The following LMX1A variants were observed in gnomAD, a reference collection of about 807,000 sequenced individuals.
LMX1A encodes LIM homeobox transcription factor 1-alpha.
In LMX1A, 15 loss-of-function variants were observed where a neutral mutation model predicts 49.1. That is an observed-to-expected ratio of 0.31 (90% CI 0.20 to 0.47). LMX1A has a LOEUF of 0.47. Ranked by LOEUF, LMX1A falls within the 20% of genes least tolerant of loss-of-function variation. LMX1A has a pLI of 1.00. For synonymous variants in LMX1A, 167 were observed against 185.7 expected (o/e 0.90, Z 0.82); for missense variants, 372 against 475.8 (o/e 0.78, Z 2.03).
chr1:165,208,051 G>A lies in LMX1A; in HGVS notation c.817+12C>T. 1 of 1,612,564 alleles carries A rather than the reference G, an allele frequency of 6.2e-7. No individual in the cohort carries two copies. The highest frequency in any genetic ancestry group is 8.5e-7 in the Non-Finnish European group (1 of 1,179,222). On this transcript the variant is annotated intron_variant, in intron 7 of 8. Transcript: ENST00000342310. Reference sequence around the variant, plus strand: ...TCCAGCCAGAACTGCCTGGGAGGAGGCACCAGCTTACCAGAGCTCAGCCTC... The same window carrying A: ...TCCAGCCAGAACTGCCTGGGAGGAGACACCAGCTTACCAGAGCTCAGCCTC...
At chr1:165,350,642 C>A (rs1467439322) in intron 3 of LMX1A, among the ~76,000 whole-genome samples, 2 of 151,882 alleles carry the variant, frequency 1.3e-5, no homozygotes, top group East Asian at 1.9e-4. Flanking sequence ...ATATTAAAAC[C>A]CTATTTTATT....
chr1:165,284,654 T>C (rs940961395), intron 3 of LMX1A, among the ~76,000 whole-genome samples: 4 of 152,228 alleles, frequency 2.6e-5, no homozygotes, highest in Admixed American at 1.3e-4. Flanking sequence ...CCTTTTAAAC[T>C]TTCCTCCTCT....
chr1:165,323,371 G>T (rs77106086), intron 3 of LMX1A, among the ~76,000 whole-genome samples: 2,950 of 152,260 alleles, frequency 0.019, 54 homozygotes, highest in Admixed American at 0.034. Flanking sequence ...TATCACAAAA[G>T]TGGTGTATGC....
intron 4 of LMX1A, among the ~76,000 whole-genome samples, chr1:165,222,810 G>T (rs911925164): frequency 1.3e-5 from 2 of 152,304 alleles, no homozygotes; most frequent in Admixed American, 1.3e-4. Context: ...ACCCAGCCGG[G>T]TCTATGCCTT....
chr1:165,339,815 T>C (rs1656015275), intron 3 of LMX1A, among the ~76,000 whole-genome samples: 1 of 151,668 alleles, frequency 6.6e-6, no homozygotes, highest in African/African-American at 2.4e-5. Context: ...TCCCTAGGCT[T>C]CTCCTCTATC....
rs371575297 is a variant in LMX1A, at chr1:165,324,975, T to G, written c.263+28101A>C. Among the ~76,000 whole-genome samples, 10 of 152,344 alleles carry G rather than the reference T, an allele frequency of 6.6e-5. 1 individual carries two copies. The South Asian group carries it at 2.1e-3, about 32-fold the overall frequency. On this transcript the variant is annotated intron_variant, in intron 3 of 8. Coordinates refer to ENST00000342310, the MANE Select transcript of LMX1A (RefSeq NM_177398.4). ...TTATAACAAAGATTCACTCCAAGTT[T>G]AAAGCACTGCTACAAAGTCTTCCTT...
At chr1:165,270,340 C>T (rs951180460) in intron 3 of LMX1A, among the ~76,000 whole-genome samples, 31 of 152,204 alleles carry the variant, frequency 2.0e-4, no homozygotes, top group African/African-American at 7.2e-4. Context: ...TTCTGTGTCT[C>T]ATGTGGGTAC....
In LMX1A at chr1:165,230,051, A is replaced by G. The variant is rs1652185187; in HGVS notation, c.497-16238T>C. ...GTGGCCTTTTAAAGGAACTCCAGAG[A>G]GCATTCTCATTCTCTTTTTGCCACT... On this transcript the variant is annotated intron_variant, in intron 4 of 8. Transcript: ENST00000342310. Among the ~76,000 whole-genome samples the G allele has an allele frequency of 1.3e-5, 2 of 152,214 alleles. 1 individual carries two copies. The highest frequency in any genetic ancestry group is 4.1e-4 in the South Asian group (2 of 4,834).
intron 4 of LMX1A, among the ~76,000 whole-genome samples, chr1:165,247,054 CTTTTTTTTTTTT>C (rs71097567): frequency 1.5e-4 from 8 of 53,228 alleles, no homozygotes; most frequent in Admixed American, 3.3e-4. Context: ...TCAGCTTTTT[CTTTTTTTTTTTT>C]TTTTTTTTTT....
chr1:165,336,836 T>G (rs1018490012), intron 3 of LMX1A, among the ~76,000 whole-genome samples: 1 of 152,200 alleles, frequency 6.6e-6, no homozygotes, highest in African/African-American at 2.4e-5. Context: ...TCATGGAGAT[T>G]AAAATCTGAT....
rs1651053820 is a variant in LMX1A, at chr1:165,205,893, T to C, written c.959A>G (p.Gln320Arg). ...DPFRQGLTPP[Q>R]MPGDHMHPYG... ...AGGGTGCATGTGGTCTCCAGGCATC[T>C]GGGGTGGGGTGAGACCCTGTCGGAA... The change falls in exon 8 of 9, where the codon CAG becomes CGG. Residue 320 changes from glutamine (Q) to arginine (R), a missense_variant. Gln to Arg is a conservative substitution (Grantham distance 43). Transcript: ENST00000342310. The C allele has an allele frequency of 6.2e-7, 1 of 1,614,054 alleles. No individual in the cohort carries two copies. The highest frequency in any genetic ancestry group is 8.5e-7 in the Non-Finnish European group (1 of 1,180,008).
At chr1:165,258,579 G>A (rs1158859887) in intron 3 of LMX1A, among the ~76,000 whole-genome samples, 7 of 152,208 alleles carry the variant, frequency 4.6e-5, no homozygotes, top group Non-Finnish European at 1.0e-4. Flanking sequence ...GGAGCTATAA[G>A]GAGGACCATA....
intron 3 of LMX1A, among the ~76,000 whole-genome samples, chr1:165,330,037 C>T (rs543102888): frequency 6.6e-6 from 1 of 152,164 alleles, no homozygotes; most frequent in Non-Finnish European, 1.5e-5. Flanking sequence ...TTAGTCTGTA[C>T]CAGAAATAAC....
chr1:165,246,634 G>A (rs1343550), intron 4 of LMX1A, among the ~76,000 whole-genome samples: 152,134 of 152,378 alleles, frequency 1, 75,945 homozygotes, highest in Middle Eastern at 1. Flanking sequence ...AATTTTGTTG[G>A]ATAATTAAAT....
At chr1:165,235,344 G>A (rs944363453) in intron 4 of LMX1A, among the ~76,000 whole-genome samples, 1 of 152,118 alleles carries the variant, frequency 6.6e-6, no homozygotes, top group Non-Finnish European at 1.5e-5. Flanking sequence ...AGGCAATCTC[G>A]GTCTCCAAAA....
intron 3 of LMX1A, among the ~76,000 whole-genome samples, chr1:165,315,421 A>T (rs758292301): frequency 6.6e-6 from 1 of 152,232 alleles, no homozygotes; most frequent in Non-Finnish European, 1.5e-5. Context: ...CAGCACAGGA[A>T]CTTCGGAAAT....
chr1:165,333,315 G>A (rs550821657), intron 3 of LMX1A, among the ~76,000 whole-genome samples: 13 of 152,198 alleles, frequency 8.5e-5, no homozygotes, highest in Middle Eastern at 6.8e-3. Context: ...GTGCCACCAC[G>A]CCCGGCTAAT....
At chr1:165,248,337 T>C (rs1571176575) in intron 4 of LMX1A, among the ~76,000 whole-genome samples, 1 of 152,040 alleles carries the variant, frequency 6.6e-6, no homozygotes, top group Admixed American at 6.5e-5. Flanking sequence ...AAGGGATGGA[T>C]AGAGTGAGGT....
chr1:165,242,929 C>CAAAAAAAAA (rs35937155), intron 4 of LMX1A, among the ~76,000 whole-genome samples: 8 of 115,154 alleles, frequency 6.9e-5, no homozygotes, highest in Non-Finnish European at 1.1e-4. Flanking sequence ...AACTCCACCT[C>CAAAAAAAAA]AAAAAAAAAA....
Sources: allele counts gnomAD v4.1 joint callset (sites outside exome capture counted in the v4.1 genomes callset), GRCh38; gene constraint gnomAD v4.1.1; transcripts MANE v1.5; gene names NCBI Gene and HGNC (gene_info 2026-07-23, HGNC 2026-07-21).